The following RIT2 variants were observed in gnomAD, a reference collection of about 807,000 sequenced individuals.
RIT2 encodes GTP-binding protein Rit2.
In RIT2, 24 loss-of-function variants were observed where a neutral mutation model predicts 23.7. The ratio of observed to expected loss-of-function variants is 1.01; its 90% CI spans 0.73 to 1.43. The LOEUF is 1.43. Ranked by LOEUF, RIT2 falls within the 40% of genes most tolerant of loss-of-function variation. The probability of loss-of-function intolerance (pLI) is 0.00; values close to 1 mark genes in which losing one functional copy is unlikely to be tolerated. For missense variants in RIT2, 236 were observed against 266.9 expected (o/e 0.88, Z 0.81); for synonymous variants, 107 against 91.1 (o/e 1.17, Z -0.99).
intron 4 of RIT2, among the ~76,000 whole-genome samples, chr18:42,786,880 T>C (rs1913934603): frequency 6.6e-6 from 1 of 152,188 alleles, no homozygotes; most frequent in African/African-American, 2.4e-5. Flanking sequence ...ATCCTCATCC[T>C]GTTCAGAATT....
At chr18:42,954,389 A>C (rs1446731229) in intron 3 of RIT2, among the ~76,000 whole-genome samples, 2 of 151,940 alleles carry the variant, frequency 1.3e-5, no homozygotes, top group Non-Finnish European at 2.9e-5. Flanking sequence ...AAAAAAAAAA[A>C]AAAAACCTGT....
At chr18:42,755,051 T>C (rs1263018654) in intron 4 of RIT2, among the ~76,000 whole-genome samples, 7 of 152,164 alleles carry the variant, frequency 4.6e-5, no homozygotes, top group Non-Finnish European at 7.3e-5. Context: ...CTTCATAGAA[T>C]TGGTAATAGG....
chr18:42,753,464 C>G (rs575135918), intron 4 of RIT2, among the ~76,000 whole-genome samples: 316 of 152,248 alleles, frequency 2.1e-3, no homozygotes, highest in South Asian at 4.4e-3. Flanking sequence ...CCAACAGAAG[C>G]TTTGCAAGCA....
At chr18:42,844,491 G>C (rs142991388) in intron 4 of RIT2, among the ~76,000 whole-genome samples, 3 of 152,238 alleles carry the variant, frequency 2.0e-5, no homozygotes, top group African/African-American at 4.8e-5. Context: ...GAGAGGATGG[G>C]ATGGGCAGGT....
In RIT2 at chr18:42,857,401, T is replaced by C. The variant is rs189267510; in HGVS notation, c.426+66171A>G. ...AATCACACATTTATGGACAACAGCA[T>C]TGAGTTATTTGTTGGAAGATAAAAG... is the stretch of plus-strand genomic sequence containing the variant. On this transcript the variant is annotated intron_variant, in intron 4 of 4. Transcript: ENST00000326695. Among the ~76,000 whole-genome samples the C allele has an allele frequency of 5.1e-3, 773 of 152,320 alleles. 19 individuals carry two copies. The highest frequency in any genetic ancestry group is 0.044 in the Admixed American group (669 of 15,298).
intron 2 of RIT2, among the ~76,000 whole-genome samples, chr18:43,003,439 G>T (rs1248781129): frequency 6.6e-6 from 1 of 151,894 alleles, no homozygotes; most frequent in Admixed American, 6.6e-5. Flanking sequence ...ACAGTAATCA[G>T]AGTTGATTTG....
At chr18:42,916,831 C>T (rs531261147) in intron 4 of RIT2, among the ~76,000 whole-genome samples, 17 of 152,106 alleles carry the variant, frequency 1.1e-4, no homozygotes, top group African/African-American at 3.4e-4. Context: ...GAGTCTGAAG[C>T]GCAAGATGTT....
chr18:42,862,679 A>C (rs1907360288), intron 4 of RIT2, among the ~76,000 whole-genome samples: 1 of 152,210 alleles, frequency 6.6e-6, no homozygotes, highest in Non-Finnish European at 1.5e-5. Flanking sequence ...TTATACATTT[A>C]TTACTAATGT....
chr18:42,903,618 C>CAT (rs1363092608), intron 4 of RIT2, among the ~76,000 whole-genome samples: 1 of 152,002 alleles, frequency 6.6e-6, no homozygotes, highest in Non-Finnish European at 1.5e-5. Context: ...ATCTTCACTT[C>CAT]AATCCATGAC....
chr18:42,971,438 A>AG, intron 3 of RIT2, among the ~76,000 whole-genome samples: 1 of 152,182 alleles, frequency 6.6e-6, no homozygotes, highest in Non-Finnish European at 1.5e-5. Flanking sequence ...TCTCAGTATT[A>AG]CTAGAGCATA....
intron 4 of RIT2, among the ~76,000 whole-genome samples, chr18:42,870,408 T>A (rs187391361): frequency 6.6e-6 from 1 of 152,144 alleles, no homozygotes; most frequent in Non-Finnish European, 1.5e-5. Context: ...GCCTGGCTAA[T>A]TTTTGTATTT....
intron 2 of RIT2, among the ~76,000 whole-genome samples, chr18:43,007,543 G>A (rs914787896): frequency 1.3e-5 from 2 of 151,608 alleles, no homozygotes; most frequent in Non-Finnish European, 3.0e-5. Flanking sequence ...TGAGCAAGAA[G>A]AGCCAAGAAC....
chr18:43,099,442 C>G (rs186713442), intron 1 of RIT2, among the ~76,000 whole-genome samples: 95 of 152,106 alleles, frequency 6.2e-4, no homozygotes, highest in African/African-American at 2.2e-3. Context: ...CTCACCTTAA[C>G]TGTCAGTCAT....
At chr18:43,025,369 T>C (rs968044450) in intron 2 of RIT2, among the ~76,000 whole-genome samples, 1 of 151,890 alleles carries the variant, frequency 6.6e-6, no homozygotes, top group Non-Finnish European at 1.5e-5. Flanking sequence ...GAAAATGATA[T>C]AGAGATTTAT....
chr18:43,037,929 A>G (rs1912017994), intron 1 of RIT2, among the ~76,000 whole-genome samples: 3 of 151,974 alleles, frequency 2.0e-5, no homozygotes, highest in African/African-American at 7.3e-5. Context: ...TTCAGGCCGG[A>G]CGCCGTGGCT....
At chr18:43,107,192 G>T (rs1216016342) in intron 1 of RIT2, among the ~76,000 whole-genome samples, 1 of 152,194 alleles carries the variant, frequency 6.6e-6, no homozygotes, top group Non-Finnish European at 1.5e-5. Context: ...GCTCTAGAAA[G>T]TCAGGAGACT....
At chr18:42,924,463 G>A (rs1175645391) in intron 3 of RIT2, among the ~76,000 whole-genome samples, 1 of 151,516 alleles carries the variant, frequency 6.6e-6, no homozygotes, top group South Asian at 2.1e-4. Context: ...ACAACTTCTC[G>A]GTGACTGAAA....
chr18:42,765,243 C>A (rs1321049148), intron 4 of RIT2, among the ~76,000 whole-genome samples: 7 of 152,140 alleles, frequency 4.6e-5, no homozygotes, highest in Non-Finnish European at 8.8e-5. Context: ...TAAGCTTTAA[C>A]TATATGTAGA....
In RIT2 at chr18:43,045,527, G is replaced by A. The variant is rs117432795; in HGVS notation, c.104-11660C>T. Among the ~76,000 whole-genome samples the A allele has an allele frequency of 3.3e-3, 495 of 152,238 alleles. 3 individuals are homozygous for A. The highest frequency in any genetic ancestry group is 5.8e-3 in the South Asian group (28 of 4,828). ...TTCATTGGTTTAGAAGATTATCAAA[G>A]CATTAAGGCACCCGTGATTTAAGTG... On this transcript the variant is annotated intron_variant, in intron 1 of 4. Transcript: ENST00000326695.
Sources: allele counts gnomAD v4.1 joint callset (sites outside exome capture counted in the v4.1 genomes callset), GRCh38; gene constraint gnomAD v4.1.1; transcripts MANE v1.5; gene names NCBI Gene and HGNC (gene_info 2026-07-23, HGNC 2026-07-21).